Variants in DAB1 observed in about 807,000 individuals in gnomAD.
DAB1 encodes DAB adaptor protein 1, also known as disabled homolog 1.
In DAB1, 15 loss-of-function variants were observed where a neutral mutation model predicts 64.6. The observed-to-expected ratio is 0.23, with a 90% CI of 0.16 to 0.36. The LOEUF (loss-of-function observed/expected upper bound fraction) is 0.36. DAB1 is among the 10% of genes least tolerant of loss of function. The pLI, the probability that DAB1 is intolerant of heterozygous loss-of-function variation, is 1.00. For synonymous variants in DAB1, 235 were observed against 251.9 expected (o/e 0.93, Z 0.64); for missense variants, 596 against 706.7 (o/e 0.84, Z 1.78).
intron 7 of DAB1, among the ~76,000 whole-genome samples, chr1:57,482,984 A>T (rs1046771124): frequency 6.6e-6 from 1 of 152,226 alleles, no homozygotes; most frequent in Non-Finnish European, 1.5e-5. Flanking sequence ...ATTAAGGTCT[A>T]TTTGAACACA....
At chr1:57,975,160 G>C (rs965310024) in intron 5 of DAB1, among the ~76,000 whole-genome samples, 1 of 152,100 alleles carries the variant, frequency 6.6e-6, no homozygotes, top group Non-Finnish European at 1.5e-5. Flanking sequence ...ATAATGAGAG[G>C]ACAACCAACA....
chr1:58,473,853 G>C, intron 3 of DAB1: 2 of 628,416 alleles, frequency 3.2e-6, no homozygotes, highest in South Asian at 3.0e-5. Context: ...TGTCTTCCTA[G>C]CCTGCGTTTC....
chr1:58,182,118 G>A (rs1405305560), intron 4 of DAB1, among the ~76,000 whole-genome samples: 1 of 151,884 alleles, frequency 6.6e-6, no homozygotes, highest in Non-Finnish European at 1.5e-5. Context: ...TCTGCCTTCC[G>A]GCCTCTATTT....
At chr1:57,279,929 C>T (rs1671758783) in intron 2 of DAB1, among the ~76,000 whole-genome samples, 1 of 152,166 alleles carries the variant, frequency 6.6e-6, no homozygotes, top group Non-Finnish European at 1.5e-5. Flanking sequence ...CTTGCTGAGG[C>T]CATCTCAACC....
rs1553159212 is a variant in DAB1 at position 58,091,968 on chromosome 1, A to ACAC, written n.387+58542_387+58543insGTG. Among the ~76,000 whole-genome samples the ACAC allele has an allele frequency of 4.4e-4, 66 of 151,472 alleles. 1 individual carries two copies. The highest frequency in any genetic ancestry group is 1.4e-3 in the African/African-American group (58 of 41,170). On this transcript the variant is annotated intron_variant and non_coding_transcript_variant, in intron 5 of 20. Coordinates refer to the DAB1 transcript ENST00000485760. ...CACACACACACACACACACACACAC[A>ACAC]AACTAACATAGCTTAAGTAGCTTTA...
intron 7 of DAB1, among the ~76,000 whole-genome samples, chr1:57,537,190 T>C (rs1426917229): frequency 6.6e-6 from 1 of 152,222 alleles, no homozygotes; most frequent in Non-Finnish European, 1.5e-5. Flanking sequence ...TAATTATACA[T>C]GTGAGTCACA....
At chr1:58,027,433 T>C (rs189612854) in intron 5 of DAB1, among the ~76,000 whole-genome samples, 149 of 152,314 alleles carry the variant, frequency 9.8e-4, no homozygotes, top group African/African-American at 3.5e-3. Context: ...ATTTTCTTTA[T>C]AACATAATAA....
intron 7 of DAB1, among the ~76,000 whole-genome samples, chr1:57,550,822 AT>A (rs1644905675): frequency 6.6e-6 from 1 of 152,214 alleles, no homozygotes; most frequent in Non-Finnish European, 1.5e-5. Flanking sequence ...TGTCTGAGTC[AT>A]TTTTATATGC....
intron 9 of DAB1, among the ~76,000 whole-genome samples, chr1:57,035,506 G>A: frequency 6.6e-6 from 1 of 152,126 alleles, no homozygotes; most frequent in South Asian, 2.1e-4. Context: ...GCTGAGGTGT[G>A]ATGAGGCGAT....
chr1:57,181,946 T>C (rs1451334462), intron 2 of DAB1, among the ~76,000 whole-genome samples: 1 of 152,218 alleles, frequency 6.6e-6, no homozygotes, highest in Non-Finnish European at 1.5e-5. Flanking sequence ...AGTGCAGTGG[T>C]GCCATCTCGG....
In DAB1 at chr1:57,136,626, C is replaced by T. The variant is rs151141316; in HGVS notation, c.223G>A (p.Ala75Thr). 1.7e-5 allele frequency: 26 copies of T among 1,527,592 alleles called. No individual in the cohort carries two copies. Among genetic ancestry groups the T allele is most frequent in the Admixed American group, 7.1e-5 (4 of 56,506 alleles). The allele number at this position is 1,527,592 out of a possible 1,614,324, so 94.6% of individuals were successfully genotyped here. The part of the protein sequence containing the change: ...MMKLKGVVAG[A>T]RSKGEHKQKI... ...TGTTTGTGTTCTCCTTTGGAACGAG[C>T]GCCAGCAACAACGCCCTGTTGAAAG... is the stretch of plus-strand genomic sequence containing the variant. The change falls in exon 4 of 15, where the codon GCT becomes ACT. Residue 75 changes from alanine to threonine, a missense_variant. Physicochemically the swap from Ala to Thr is moderately conservative, Grantham distance 58. Transcript: ENST00000371236.
intron 6 of DAB1, among the ~76,000 whole-genome samples, chr1:57,657,100 G>GA (rs1371009962): frequency 6.6e-6 from 1 of 152,174 alleles, no homozygotes; most frequent in Non-Finnish European, 1.5e-5. Context: ...TCTGAGGCCT[G>GA]GTCCTGTCTG....
At chr1:57,857,580 A>C (rs141407093) in intron 1 of DAB1, among the ~76,000 whole-genome samples, 1 of 152,320 alleles carries the variant, frequency 6.6e-6, no homozygotes, top group East Asian at 1.9e-4. Flanking sequence ...ATAGATGATG[A>C]ATCTGAGCTA....
At chr1:57,804,898 T>A (rs549108581) in intron 6 of DAB1, among the ~76,000 whole-genome samples, 110 of 152,260 alleles carry the variant, frequency 7.2e-4, no homozygotes, top group Non-Finnish European at 1.5e-3. Context: ...CCTGCAATTA[T>A]TCAAATTGGA....
intron 1 of DAB1, among the ~76,000 whole-genome samples, chr1:57,310,523 C>T (rs572286728): frequency 1.3e-5 from 2 of 152,064 alleles, no homozygotes; most frequent in East Asian, 1.9e-4. Flanking sequence ...CTAAGTGGCT[C>T]GTAGTCTAGC....
At chr1:58,119,811 T>G (rs1461047832) in intron 5 of DAB1, among the ~76,000 whole-genome samples, 2 of 152,172 alleles carry the variant, frequency 1.3e-5, no homozygotes, top group Non-Finnish European at 2.9e-5. Context: ...ATAAGTTTAT[T>G]TAATAGTCCT....
chr1:57,819,123 A>G lies in DAB1; in HGVS notation n.551+64876T>C, dbSNP rs567531161. ...CTGATGGATGTAGACAAAGTCTGAG[A>G]TTTGGGGAACCTCCCAGATCATCAG... is the stretch of plus-strand genomic sequence containing the variant. On this transcript the variant is annotated intron_variant and non_coding_transcript_variant, in intron 6 of 20. Transcript: ENST00000485760. 4.3e-4 allele frequency among the ~76,000 whole-genome samples: 65 copies of G among 152,320 alleles called. 1 individual carries two copies. The South Asian group carries it at 0.013, about 30-fold the overall frequency.
At chr1:58,172,231 G>A (rs970222535) in intron 4 of DAB1, among the ~76,000 whole-genome samples, 1 of 152,214 alleles carries the variant, frequency 6.6e-6, no homozygotes, top group South Asian at 2.1e-4. Context: ...ATGTCAGGGA[G>A]AGCAGGGATA....
intron 1 of DAB1, among the ~76,000 whole-genome samples, chr1:57,335,942 T>C (rs996752285): frequency 6.6e-6 from 1 of 152,204 alleles, no homozygotes; most frequent in Non-Finnish European, 1.5e-5. Flanking sequence ...TCTTTATTTC[T>C]GAAATTACAA....
Sources: gnomAD v4.1 joint callset for allele counts (sites outside exome capture counted in the v4.1 genomes callset) on GRCh38, gnomAD v4.1.1 for gene constraint, MANE v1.5 for transcripts, NCBI Gene and HGNC (gene_info 2026-07-23, HGNC 2026-07-21) for gene names.